The following FBXW8 variants were observed in gnomAD, a reference collection of about 807,000 sequenced individuals.
FBXW8 encodes F-box and WD repeat domain containing 8, also known as F-box/WD repeat-containing protein 8.
In FBXW8, 57 loss-of-function variants were observed where a neutral mutation model predicts 65.3. The ratio of observed to expected loss-of-function variants is 0.87; its 90% confidence interval spans 0.71 to 1.09. The LOEUF is 1.09. Among genes scored for constraint, FBXW8 ranks in the 50% least tolerant of loss-of-function variants. FBXW8 has a pLI of 0.00. For synonymous variants in FBXW8, 308 were observed against 330.2 expected (o/e 0.93, Z 0.73); for missense variants, 777 against 814.8 (o/e 0.95, Z 0.57).
In FBXW8 at chr12:116,917,176, C is replaced by A. The variant is rs114355471; in HGVS notation, c.318+5821C>A. On this transcript the variant is annotated intron_variant, in intron 1 of 10. Coordinates refer to ENST00000652555, the MANE Select transcript of FBXW8 (RefSeq NM_153348.3). ...TGGGGCCATCACTATGTCAGTCTAC[C>A]TCAAAAGCTCTTCCAATTTTTAATT... Among the ~76,000 whole-genome samples, 1,238 of 152,288 alleles carry A rather than the reference C, an allele frequency of 8.1e-3. 16 individuals are homozygous for A. Among genetic ancestry groups the A allele is most frequent in the African/African-American group, 0.028 (1,167 of 41,560 alleles).
intron 1 of FBXW8, among the ~76,000 whole-genome samples, chr12:116,924,056 A>G (rs1192287654): frequency 6.6e-6 from 1 of 152,222 alleles, no homozygotes; most frequent in Non-Finnish European, 1.5e-5. Flanking sequence ...TGATATTTTT[A>G]TAGTTTGACC....
chr12:117,017,928 A>G (rs983576326), intron 8 of FBXW8, among the ~76,000 whole-genome samples: 4 of 152,166 alleles, frequency 2.6e-5, no homozygotes, highest in African/African-American at 9.7e-5. Flanking sequence ...TGACAAATAT[A>G]AAGTTGTGTG....
At chr12:117,027,288 C>A in intron 9 of FBXW8, 106 bp from the exon 10 acceptor site, 1 of 829,478 alleles carries the variant, frequency 1.2e-6, no homozygotes, top group Admixed American at 2.0e-5. Flanking sequence ...AGAAGCTTAG[C>A]TTTATGGGTT....
intron 9 of FBXW8, among the ~76,000 whole-genome samples, chr12:117,024,961 G>A (rs1445012558): frequency 6.6e-6 from 1 of 152,184 alleles, no homozygotes; most frequent in Non-Finnish European, 1.5e-5. Context: ...GCGTCACAGA[G>A]GTAGGTAGGT....
At chr12:116,976,170 C>T (rs1346843602) in intron 5 of FBXW8, among the ~76,000 whole-genome samples, 3 of 152,104 alleles carry the variant, frequency 2.0e-5, no homozygotes, top group African/African-American at 7.2e-5. Context: ...TTTCCCATAG[C>T]AATTTAATGC....
At chr12:117,000,199 A>C (rs924251021) in intron 7 of FBXW8, among the ~76,000 whole-genome samples, 3 of 152,074 alleles carry the variant, frequency 2.0e-5, no homozygotes, top group Non-Finnish European at 4.4e-5. Context: ...GATGGTCTCT[A>C]TCTCCTGACC....
chr12:116,935,202 A>G (rs1482198533), intron 2 of FBXW8, among the ~76,000 whole-genome samples: 2 of 152,220 alleles, frequency 1.3e-5, no homozygotes, highest in East Asian at 3.8e-4. Context: ...ATTTATGATA[A>G]TATTGGTGAG....
Position 116,945,623 on chromosome 12 carries a change from A to G in FBXW8, c.588+95A>G, listed in dbSNP as rs1391009969. 5.5e-6 allele frequency: 7 copies of G among 1,279,076 alleles called. No homozygotes were observed. In the Admixed American group the frequency reaches 8.1e-5, roughly 15 times the overall value. The allele number at this position is 1,279,076 out of a possible 1,614,324, so 79.2% of individuals were successfully genotyped here. On this transcript the variant is annotated intron_variant, in intron 3 of 10. Coordinates refer to ENST00000652555, the MANE Select transcript of FBXW8 (RefSeq NM_153348.3). ...TCATAGCCTGAGATTAATTGCCAAC[A>G]GCGAAGGGAGAGGGGTACACTGAGC...
chr12:117,019,504 G>A (rs988329436), intron 8 of FBXW8, among the ~76,000 whole-genome samples: 1 of 152,178 alleles, frequency 6.6e-6, no homozygotes, highest in Admixed American at 6.5e-5. Context: ...GGGTTGCCTT[G>A]TCAGTTACAT....
chr12:116,987,140 G>T (rs1292880527), intron 6 of FBXW8: 2 of 152,282 alleles, frequency 1.3e-5, no homozygotes, highest in African/African-American at 2.4e-5. Flanking sequence ...GCCTAGTGCG[G>T]CTGTCCTTTG....
intron 1 of FBXW8, among the ~76,000 whole-genome samples, chr12:116,925,076 T>TA (rs529209744): frequency 0.011 from 1,576 of 144,738 alleles, 25 homozygotes; most frequent in African/African-American, 0.037. Flanking sequence ...TCACTTTGGT[T>TA]AAAAAAAAAA....
At chr12:116,972,542 A>G (rs2137407629) in intron 5 of FBXW8, among the ~76,000 whole-genome samples, 1 of 152,240 alleles carries the variant, frequency 6.6e-6, no homozygotes, top group East Asian at 1.9e-4. Context: ...AGTGGAGTAG[A>G]AAGGTGGTCT....
At chr12:117,007,917 C>G (rs946407996) in intron 7 of FBXW8, among the ~76,000 whole-genome samples, 11 of 152,104 alleles carry the variant, frequency 7.2e-5, no homozygotes, top group Admixed American at 5.9e-4. Flanking sequence ...GTTTTCTAAT[C>G]TCTGTGGTCT....
At chr12:116,949,979 A>T (rs899062748) in intron 4 of FBXW8, 13 of 375,084 alleles carry the variant, frequency 3.5e-5, no homozygotes, top group Non-Finnish European at 5.9e-5. Flanking sequence ...GTGGCATGTT[A>T]TGTGAGATTT....
At chr12:116,940,269 A>C (rs185085345) in intron 2 of FBXW8, among the ~76,000 whole-genome samples, 1 of 146,584 alleles carries the variant, frequency 6.8e-6, no homozygotes, top group Non-Finnish European at 1.5e-5. Context: ...TTTTTTTTTT[A>C]AATAATTAAG....
At chr12:117,024,424 G>A in intron 9 of FBXW8, 104 bp downstream of exon 9, 1 of 1,341,600 alleles carries the variant, frequency 7.5e-7, no homozygotes, top group Non-Finnish European at 1.0e-6. Context: ...CTACCCCCCG[G>A]CTTCGCCAGG....
Position 116,985,336 on chromosome 12 carries a change from C to T in FBXW8, c.966C>T (p.Val322=). ...ATVATASAFD[V]VMLSPNEEGY... ...TGGCCACAGCTTCTGCTTTTGATGT[C>T]GTGATGTTATCCCCCAATGAGGAGG... The change falls in exon 6 of 11, where the codon GTC becomes GTT. Residue 322 remains valine (V), a synonymous_variant. Coordinates refer to ENST00000652555, the MANE Select transcript of FBXW8 (RefSeq NM_153348.3). 6 of 1,614,182 alleles carry T rather than the reference C, an allele frequency of 3.7e-6. No homozygotes were observed. Among genetic ancestry groups the T allele is most frequent in the South Asian group, 2.2e-5 (2 of 91,078 alleles).
At chr12:116,992,287 G>T (rs1218026135) in intron 7 of FBXW8, among the ~76,000 whole-genome samples, 1 of 152,108 alleles carries the variant, frequency 6.6e-6, no homozygotes, top group Admixed American at 6.5e-5. Flanking sequence ...TTGGGCAGGG[G>T]CTCCCAGACT....
At chr12:116,921,119 C>T (rs576196537) in intron 1 of FBXW8, among the ~76,000 whole-genome samples, 3 of 152,282 alleles carry the variant, frequency 2.0e-5, no homozygotes, top group African/African-American at 7.2e-5. Context: ...CTTTCCTTGC[C>T]AGAGTCCCCA....
Sources: gnomAD v4.1 joint callset for allele counts (sites outside exome capture counted in the v4.1 genomes callset) on GRCh38, gnomAD v4.1.1 for gene constraint, MANE v1.5 for transcripts, NCBI Gene and HGNC (gene_info 2026-07-23, HGNC 2026-07-21) for gene names.